The following C9orf72 variants were observed in gnomAD, a reference collection of about 807,000 sequenced individuals.
C9orf72 encodes guanine nucleotide exchange factor C9orf72.
C9orf72 carries 44 observed loss-of-function variants against 51.6 expected under a neutral mutation model. The observed-to-expected ratio is 0.85, with a 90% CI of 0.67 to 1.10. The LOEUF (loss-of-function observed/expected upper bound fraction) is 1.10. Ranked by LOEUF, C9orf72 falls within the 50% of genes least tolerant of loss-of-function variation. C9orf72 has a pLI of 0.00. For synonymous variants in C9orf72, 213 were observed against 194.2 expected (o/e 1.10, Z -0.81); for missense variants, 607 against 570.6 (o/e 1.06, Z -0.65).
Position 27,566,781 on chromosome 9 carries a change from T to C in C9orf72, c.340A>G (p.Ile114Val), listed in dbSNP as rs373008422. 4 of 1,613,652 alleles carry C rather than the reference T, an allele frequency of 2.5e-6. No homozygotes were observed. Among genetic ancestry groups the C allele is most frequent in the African/African-American group, 1.3e-5 (1 of 74,908 alleles). The change falls in exon 2 of 11, where the codon ATT becomes GTT. Residue 114 changes from isoleucine (I) to valine (V), a missense_variant. Transcript: ENST00000380003. ...NGDRSTYGLS[I>V]ILPQTELSFY... ...CTAAGTTCTGTCTGTGGAAGTATAA[T>C]TGATAGTCCATATGTGCTGCGATCC...
At chr9:27,548,472 A>AT in intron 10 of C9orf72, 50 bp from the exon 11 acceptor site, 1 of 1,387,922 alleles carries the variant, frequency 7.2e-7, no homozygotes, top group Non-Finnish European at 9.7e-7. Context: ...GAAGCGCAAA[A>AT]ATTATGATAT....
chr9:27,552,786 T>A (rs773661438), intron 8 of C9orf72, among the ~76,000 whole-genome samples: 2 of 152,220 alleles, frequency 1.3e-5, no homozygotes, highest in Non-Finnish European at 2.9e-5. Context: ...TTTGTGTATG[T>A]TGAACCAACC....
chr9:27,548,537 C>T lies in C9orf72; in HGVS notation c.1259+20G>A, dbSNP rs771894999. ...AAACAATGTACAAAGGTTTTTCTTCCGTGTAGGAGTTTTACTCACGTATCG... is the reference window on the plus strand; with the variant it reads ...AAACAATGTACAAAGGTTTTTCTTCTGTGTAGGAGTTTTACTCACGTATCG... On this transcript the variant is annotated intron_variant, in intron 10 of 10. Coordinates refer to ENST00000380003, the MANE Select transcript of C9orf72 (RefSeq NM_018325.5). 9 of 1,512,280 alleles carry T rather than the reference C, an allele frequency of 6.0e-6. No homozygotes were observed. Among genetic ancestry groups the T allele is most frequent in the African/African-American group, 1.4e-5 (1 of 71,520 alleles). 93.7% of individuals were successfully genotyped at this position (1,512,280 alleles called of 1,614,324 possible).
chr9:27,561,825 C>G (rs1323501891), intron 4 of C9orf72, among the ~76,000 whole-genome samples, 176 bp from the exon 5 acceptor site: 2 of 152,082 alleles, frequency 1.3e-5, no homozygotes, highest in Non-Finnish European at 2.9e-5. Flanking sequence ...TTCAGAAGAA[C>G]AAATGTGAAA....
intron 1 of C9orf72, among the ~76,000 whole-genome samples, chr9:27,572,561 GA>G (rs1476229115): frequency 6.6e-6 from 1 of 151,796 alleles, no homozygotes; most frequent in Non-Finnish European, 1.5e-5. Flanking sequence ...TGTTTGAATA[GA>G]AATTTACCAA....
intron 5 of C9orf72, chr9:27,561,287 A>G: frequency 3.5e-6 from 4 of 1,148,998 alleles, no homozygotes; most frequent in Non-Finnish European, 4.3e-6. Context: ...TTAATATGAA[A>G]GGATTCTGTT....
chr9:27,560,166 TC>T, intron 6 of C9orf72, 60 bp downstream of exon 6: 2 of 1,106,844 alleles, frequency 1.8e-6, no homozygotes, highest in Non-Finnish European at 2.6e-6. Flanking sequence ...TAAATGACAA[TC>T]CATGATATAT....
intron 1 of C9orf72, among the ~76,000 whole-genome samples, chr9:27,572,708 A>G (rs1819613889): frequency 1.3e-5 from 2 of 152,306 alleles, no homozygotes; most frequent in Admixed American, 1.3e-4. Context: ...ACGCGGCCAG[A>G]TAGACCCAAT....
intron 7 of C9orf72, among the ~76,000 whole-genome samples, chr9:27,557,475 T>C (rs545457722): frequency 6.6e-6 from 1 of 152,250 alleles, no homozygotes; most frequent in Admixed American, 6.5e-5. Flanking sequence ...TCAAAGGTAT[T>C]TTCTGGAAAA....
At chr9:27,563,836 T>C (rs1819405798) in intron 3 of C9orf72, among the ~76,000 whole-genome samples, 1 of 152,176 alleles carries the variant, frequency 6.6e-6, no homozygotes, top group East Asian at 1.9e-4. Flanking sequence ...CTGTTTACAA[T>C]TACAATTCAC....
intron 8 of C9orf72, among the ~76,000 whole-genome samples, chr9:27,551,622 C>T (rs2131529934): frequency 6.6e-6 from 1 of 152,248 alleles, no homozygotes; most frequent in South Asian, 2.1e-4. Flanking sequence ...ACGAGTGTAC[C>T]ACACTACAGA....
intron 3 of C9orf72, among the ~76,000 whole-genome samples, chr9:27,564,042 T>A (rs1819412062): frequency 1.3e-5 from 2 of 151,566 alleles, no homozygotes; most frequent in South Asian, 4.1e-4. Context: ...TCGGGAAGAA[T>A]AATTTTGGGA....
chr9:27,570,067 C>G (rs1819552658), intron 1 of C9orf72, among the ~76,000 whole-genome samples: 1 of 152,180 alleles, frequency 6.6e-6, no homozygotes. Flanking sequence ...ACAGTTTTAA[C>G]ACGTGTATTT....
chr9:27,563,076 T>C (rs1421286660), intron 3 of C9orf72, among the ~76,000 whole-genome samples: 1 of 151,950 alleles, frequency 6.6e-6, no homozygotes, highest in Admixed American at 6.6e-5. Context: ...TATTTAAAAA[T>C]GAGGAAAACC....
At chr9:27,566,482 T>C (rs1386578208) in intron 2 of C9orf72, among the ~76,000 whole-genome samples, 195 bp downstream of exon 2, 2 of 152,162 alleles carry the variant, frequency 1.3e-5, no homozygotes, top group Admixed American at 6.5e-5. Context: ...TACCATTTCG[T>C]ACCTTCCACA....
chr9:27,553,104 T>C (rs1820941993), intron 8 of C9orf72, among the ~76,000 whole-genome samples: 1 of 152,154 alleles, frequency 6.6e-6, no homozygotes, highest in Non-Finnish European at 1.5e-5. Flanking sequence ...TCCATATTCA[T>C]AGATAGGAAG....
In C9orf72 at chr9:27,550,656, C is replaced by T; in HGVS notation, c.1143G>A (p.Leu381=). ...LHRDTLVKAF[L]DQVFQLKPGL... Reference sequence around the variant, plus strand: ...TCTCAAGTTCAACATTTACCTGATCCAGGAAGGCTTTCACTAGAGTGTCTC... The same window carrying T: ...TCTCAAGTTCAACATTTACCTGATCTAGGAAGGCTTTCACTAGAGTGTCTC... The change falls in exon 9 of 11, where the codon CTG becomes CTA. Residue 381 remains leucine, a synonymous_variant. Coordinates refer to ENST00000380003, the MANE Select transcript of C9orf72 (RefSeq NM_018325.5). 2 of 1,580,436 alleles carry T rather than the reference C, an allele frequency of 1.3e-6. No individual in the cohort carries two copies. The highest frequency in any genetic ancestry group is 2.3e-5 in the South Asian group (2 of 87,738).
intron 9 of C9orf72, among the ~76,000 whole-genome samples, chr9:27,550,229 A>C (rs1820879115): frequency 6.6e-6 from 1 of 151,234 alleles, no homozygotes; most frequent in Non-Finnish European, 1.5e-5. Flanking sequence ...CTACATATAT[A>C]GTACAAGCAT....
intron 6 of C9orf72, 152 bp downstream of exon 6, chr9:27,560,075 T>C: frequency 2.4e-6 from 1 of 422,806 alleles, no homozygotes; most frequent in Non-Finnish European, 4.4e-6. Flanking sequence ...AACTCACTGT[T>C]GCCACAAGGT....
Sources: allele counts gnomAD v4.1 joint callset (sites outside exome capture counted in the v4.1 genomes callset), GRCh38; gene constraint gnomAD v4.1.1; transcripts MANE v1.5; gene names NCBI Gene and HGNC (gene_info 2026-07-23, HGNC 2026-07-21).